Variants in KANK1 observed in about 807,000 individuals in gnomAD.
The protein encoded by KANK1 is KN motif and ankyrin repeat domains 1.
KANK1 carries 109 observed loss-of-function variants against 106.2 expected under a neutral mutation model. That is an observed-to-expected ratio of 1.03 (90% CI 0.88 to 1.20). The LOEUF (loss-of-function observed/expected upper bound fraction) is 1.20. Ranked by LOEUF, KANK1 falls within the 50% of genes most tolerant of loss-of-function variation. The pLI, the probability that KANK1 is intolerant of heterozygous loss-of-function variation, is 0.00. For missense variants in KANK1, 2,399 were observed against 1,710.7 expected, an observed-to-expected ratio of 1.40 and a Z score of -7.10; for synonymous variants, 873 against 652.2, an observed-to-expected ratio of 1.34 and a Z score of -5.16.
At chr9:734,714 G>T in intron 6 of KANK1, 34 bp from the exon 7 acceptor site, 4 of 1,418,404 alleles carry the variant, frequency 2.8e-6, no homozygotes, top group South Asian at 1.2e-5. Flanking sequence ...TTTTCTTCTT[G>T]TGACCAATCG....
At chr9:546,857 A>T (rs576420749) in intron 1 of KANK1, among the ~76,000 whole-genome samples, 1 of 152,276 alleles carries the variant, frequency 6.6e-6, no homozygotes, top group East Asian at 1.9e-4. Context: ...ATGCATAGTT[A>T]GCCCCTTGAC....
intron 1 of KANK1, among the ~76,000 whole-genome samples, chr9:594,361 A>C (rs560708914): frequency 1.1e-4 from 16 of 152,022 alleles, no homozygotes; most frequent in Admixed American, 2.6e-4. Flanking sequence ...GGAGATTTAC[A>C]TTGAGAATAA....
chr9:537,555 T>A (rs1471815643), intron 1 of KANK1, among the ~76,000 whole-genome samples: 1 of 152,088 alleles, frequency 6.6e-6, no homozygotes, highest in East Asian at 1.9e-4. Context: ...GATTGATTCA[T>A]ATGTTGAAAA....
In KANK1 at chr9:608,890, C is replaced by CA. The variant is rs370318823; in HGVS notation, c.-83-67999dup. Among the ~76,000 whole-genome samples, 570 of 152,254 alleles carry CA rather than the reference C, an allele frequency of 3.7e-3. 1 individual carries two copies. Among genetic ancestry groups the CA allele is most frequent in the African/African-American group, 0.013 (527 of 41,538 alleles). Reference sequence around the variant, plus strand: ...GCCATGGTGACATGCATAATAGATGCATTCATACACATTGCTTCAATAGAG... The same window carrying CA: ...GCCATGGTGACATGCATAATAGATGCAATTCATACACATTGCTTCAATAGAG... On this transcript the variant is annotated intron_variant, in intron 1 of 11. Transcript: ENST00000382297.
At chr9:657,533 C>A (rs951066801) in intron 1 of KANK1, among the ~76,000 whole-genome samples, 1 of 152,002 alleles carries the variant, frequency 6.6e-6, no homozygotes, top group Non-Finnish European at 1.5e-5. Context: ...CTACATGCTA[C>A]CGATGCTTTG....
At chr9:744,719 TAA>T in intron 11 of KANK1, 130 bp downstream of exon 11, 1 of 1,564,030 alleles carries the variant, frequency 6.4e-7, no homozygotes, top group Non-Finnish European at 8.7e-7. Flanking sequence ...GTCTGGAGCT[TAA>T]GAGTTCATCC....
intron 1 of KANK1, among the ~76,000 whole-genome samples, chr9:627,448 TC>T (rs781536032): frequency 6.6e-6 from 1 of 152,154 alleles, no homozygotes; most frequent in Non-Finnish European, 1.5e-5. Flanking sequence ...AGGACCTTTT[TC>T]TCTTATCTCT....
At chr9:637,555 G>A (rs1002645436) in intron 1 of KANK1, among the ~76,000 whole-genome samples, 1 of 152,148 alleles carries the variant, frequency 6.6e-6, no homozygotes, top group African/African-American at 2.4e-5. Context: ...CACCAAGTCT[G>A]GGGTGAAGCC....
rs1319957635 is a variant in KANK1 at position 731,138 on chromosome 9, T to G, written c.2897-20T>G. The G allele has an allele frequency of 7.0e-7, 1 of 1,430,800 alleles. No homozygotes were observed. Among genetic ancestry groups the G allele is most frequent in the Admixed American group, 1.7e-5 (1 of 57,612 alleles). 88.6% of individuals were successfully genotyped at this position (1,430,800 alleles called of 1,614,324 possible). On this transcript the variant is annotated intron_variant, in intron 4 of 11. Transcript: ENST00000382297. ...GTATGGGTGTGAGTTTTCATTTTTA[T>G]TGCCTTGACTTTTTCACAGCATGTA...
chr9:706,095 T>C (rs1824084013), intron 2 of KANK1, among the ~76,000 whole-genome samples: 1 of 152,160 alleles, frequency 6.6e-6, no homozygotes, highest in African/African-American at 2.4e-5. Context: ...GTAGTTTTAT[T>C]GTAGAATAAT....
chr9:476,451 G>A (rs970980176), intron 3 of KANK1, among the ~76,000 whole-genome samples: 1 of 151,352 alleles, frequency 6.6e-6, no homozygotes, highest in African/African-American at 2.4e-5. Flanking sequence ...AACCCGGGAG[G>A]CAGAGGTTGC....
intron 1 of KANK1, among the ~76,000 whole-genome samples, chr9:553,772 T>C (rs2061416062): frequency 6.6e-6 from 1 of 152,234 alleles, no homozygotes. Context: ...GAATTTACTT[T>C]TATAGGAATA....
At chr9:606,677 T>C (rs1829285676) in intron 1 of KANK1, among the ~76,000 whole-genome samples, 1 of 151,114 alleles carries the variant, frequency 6.6e-6, no homozygotes, top group African/African-American at 2.5e-5. Context: ...AAAGATGCAG[T>C]ATGTCAGTGC....
At chr9:559,434 T>C (rs1908233) in intron 1 of KANK1, among the ~76,000 whole-genome samples, 7,450 of 152,030 alleles carry the variant, frequency 0.049, 441 homozygotes, top group East Asian at 0.29. Context: ...TGATGGATGC[T>C]TAGGCTGAGG....
At chr9:634,438 T>C (rs1836576005) in intron 1 of KANK1, among the ~76,000 whole-genome samples, 1 of 152,162 alleles carries the variant, frequency 6.6e-6, no homozygotes, top group African/African-American at 2.4e-5. Flanking sequence ...TAATCTTAGG[T>C]TCTATAGTAG....
chr9:698,382 C>T (rs992786138), intron 2 of KANK1, among the ~76,000 whole-genome samples: 6 of 152,178 alleles, frequency 3.9e-5, no homozygotes, highest in Admixed American at 2.6e-4. Flanking sequence ...ATGCCATATC[C>T]GTCCTTCCCA....
At chr9:615,720 T>C (rs1405125549) in intron 1 of KANK1, among the ~76,000 whole-genome samples, 2 of 152,134 alleles carry the variant, frequency 1.3e-5, no homozygotes, top group African/African-American at 4.8e-5. Flanking sequence ...CACCATAAAG[T>C]CCAAGACATG....
chr9:613,141 G>A (rs1257615082), intron 1 of KANK1, among the ~76,000 whole-genome samples: 1 of 151,938 alleles, frequency 6.6e-6, no homozygotes, highest in East Asian at 1.9e-4. Context: ...ACCAGAATAG[G>A]CCAGTAATTT....
chr9:549,561 A>C (rs2134042886), intron 1 of KANK1: 1 of 152,150 alleles, frequency 6.6e-6, no homozygotes, highest in South Asian at 2.1e-4. Context: ...TCCTTTTCCT[A>C]TTCTGGCTCC....
Sources: gnomAD v4.1 joint callset for allele counts (sites outside exome capture counted in the v4.1 genomes callset) on GRCh38, gnomAD v4.1.1 for gene constraint, MANE v1.5 for transcripts, NCBI Gene and HGNC (gene_info 2026-07-23, HGNC 2026-07-21) for gene names.